Variants in ADAMTS16 observed in about 807,000 individuals in gnomAD.
The protein encoded by ADAMTS16 is A disintegrin and metalloproteinase with thrombospondin motifs 16.
A neutral mutation model predicts 145.8 loss-of-function variants in ADAMTS16; 94 were observed. That is an observed-to-expected ratio of 0.64 (90% CI 0.55 to 0.77). The LOEUF is 0.77. Among genes scored for constraint, ADAMTS16 ranks in the 30% least tolerant of loss-of-function variants. The probability of loss-of-function intolerance (pLI) is 0.00; values close to 1 mark genes in which losing one functional copy is unlikely to be tolerated. For synonymous variants in ADAMTS16, 659 were observed against 604.3 expected (o/e 1.09, Z -1.33); for missense variants, 1,585 against 1,591.5 (o/e 1.00, Z 0.07).
At chr5:5,167,777 T>C (rs1159990710) in intron 3 of ADAMTS16, among the ~76,000 whole-genome samples, 2 of 152,252 alleles carry the variant, frequency 1.3e-5, no homozygotes, top group Non-Finnish European at 2.9e-5. Context: ...GGGATACAAA[T>C]GTCTGTGCTG....
At chr5:5,218,100 C>T (rs1443354597) in intron 10 of ADAMTS16, among the ~76,000 whole-genome samples, 1 of 152,192 alleles carries the variant, frequency 6.6e-6, no homozygotes, top group Non-Finnish European at 1.5e-5. Context: ...TAATGACCTA[C>T]AACAATAGTG....
chr5:5,258,170 G>A (rs1436923516), intron 17 of ADAMTS16, among the ~76,000 whole-genome samples: 1 of 152,116 alleles, frequency 6.6e-6, no homozygotes, highest in Admixed American at 6.5e-5. Flanking sequence ...TGAATCATCC[G>A]CCGTTAGTGA....
rs534655055 is a variant in ADAMTS16, at chr5:5,254,093, CAG to C, written c.2663-8563_2663-8562del. ...TAGCGAATTCACACTGTCTTGGCAA[CAG>C]GGGTCATTTCCCAGTTACCTCAAAG... On this transcript the variant is annotated intron_variant, in intron 17 of 22. Coordinates refer to ENST00000274181, the MANE Select transcript of ADAMTS16 (RefSeq NM_139056.4). 2.1e-3 allele frequency among the ~76,000 whole-genome samples: 313 copies of C among 152,302 alleles called. 1 individual carries two copies. Among genetic ancestry groups the C allele is most frequent in the African/African-American group, 7.3e-3 (304 of 41,568 alleles).
At chr5:5,229,618 G>C (rs1462122291) in intron 11 of ADAMTS16, among the ~76,000 whole-genome samples, 2 of 152,178 alleles carry the variant, frequency 1.3e-5, no homozygotes, top group Non-Finnish European at 2.9e-5. Context: ...GAGTCAGAAA[G>C]CTAGAAGCCT....
intron 3 of ADAMTS16, among the ~76,000 whole-genome samples, chr5:5,175,790 A>C (rs1735176705): frequency 6.6e-6 from 1 of 152,124 alleles, no homozygotes; most frequent in Admixed American, 6.5e-5. Context: ...GTGATAGGGC[A>C]GCACTGAATT....
intron 15 of ADAMTS16, 49 bp downstream of exon 15, chr5:5,239,323 C>A (rs1429247555): frequency 6.7e-7 from 1 of 1,503,744 alleles, no homozygotes; most frequent in Non-Finnish European, 8.9e-7. Context: ...AAGATTGTAA[C>A]TGGGGCTTCT....
rs1246185115 is a variant in ADAMTS16, at chr5:5,269,869, T to C, written c.2789+7086T>C. 6.6e-6 allele frequency among the ~76,000 whole-genome samples: 1 copy of C among 152,152 alleles called. No homozygotes were observed. The highest frequency in any genetic ancestry group is 1.9e-4 in the East Asian group (1 of 5,190). ...TACACACATGCTGTCAAGAGCACTG[T>C]GTGCTGGAAGAAAAGGTGCAGTTCA... is the stretch of plus-strand genomic sequence containing the variant. On this transcript the variant is annotated intron_variant, in intron 18 of 22. Transcript: ENST00000274181. The surrounding 1 kb of genome is among the most constrained non-coding windows in gnomAD (Gnocchi z 4.3).
chr5:5,271,048 T>G (rs1234813821), intron 18 of ADAMTS16, among the ~76,000 whole-genome samples: 1 of 152,186 alleles, frequency 6.6e-6, no homozygotes, highest in Non-Finnish European at 1.5e-5. Flanking sequence ...CCACAAGGAT[T>G]GAGGGGTGGA....
intron 18 of ADAMTS16, among the ~76,000 whole-genome samples, chr5:5,277,225 G>A (rs1345201797): frequency 6.6e-5 from 10 of 152,152 alleles, no homozygotes; most frequent in Non-Finnish European, 1.2e-4. Flanking sequence ...TGCTTCAGCC[G>A]CATCACAGAA....
chr5:5,199,992 T>C lies in ADAMTS16; in HGVS notation c.1314-140T>C, dbSNP rs926800389. On this transcript the variant is annotated intron_variant, in intron 8 of 22. Transcript: ENST00000274181. ...GTGAATATTCTTAACCAATTGGCAGTTGTGACTTTTATTTTTGCCTGCCTA... is the reference window on the plus strand; with the variant it reads ...GTGAATATTCTTAACCAATTGGCAGCTGTGACTTTTATTTTTGCCTGCCTA... 6 of 1,005,600 alleles carry C rather than the reference T, an allele frequency of 6.0e-6. No individual in the cohort carries two copies. The African/African-American group carries it at 8.3e-5, about 14-fold the overall frequency. The allele number at this position is 1,005,600 out of a possible 1,614,324, so 62.3% of individuals were successfully genotyped here.
At chr5:5,189,343 G>T (rs1167275210) in intron 6 of ADAMTS16, among the ~76,000 whole-genome samples, 1 of 152,120 alleles carries the variant, frequency 6.6e-6, no homozygotes, top group Non-Finnish European at 1.5e-5. Context: ...TTACTTCATC[G>T]TTGCGTTATC....
chr5:5,162,724 G>C (rs903220426), intron 3 of ADAMTS16, among the ~76,000 whole-genome samples: 1 of 149,934 alleles, frequency 6.7e-6, no homozygotes, highest in Non-Finnish European at 1.5e-5. Flanking sequence ...ACCAGAGAGA[G>C]AGAGAAAAAG....
chr5:5,190,330 C>A (rs1262384951), intron 7 of ADAMTS16, among the ~76,000 whole-genome samples, 200 bp downstream of exon 7: 1 of 152,138 alleles, frequency 6.6e-6, no homozygotes, highest in Non-Finnish European at 1.5e-5. Flanking sequence ...GATTATTGAA[C>A]AAGTAAATGT....
At chr5:5,199,495 T>C (rs1040140783) in intron 8 of ADAMTS16, among the ~76,000 whole-genome samples, 2 of 152,150 alleles carry the variant, frequency 1.3e-5, no homozygotes, top group Admixed American at 6.5e-5. Flanking sequence ...TCTCTCCAAA[T>C]AGACAGACAG....
At chr5:5,215,580 A>G (rs1736399555) in intron 10 of ADAMTS16, among the ~76,000 whole-genome samples, 2 of 151,734 alleles carry the variant, frequency 1.3e-5, no homozygotes, top group Non-Finnish European at 2.9e-5. Context: ...GTGAGAACAT[A>G]CAATATTTGA....
At position 5,265,108 on chromosome 5, in the gene ADAMTS16, G is replaced by C. The variant is rs867263904; in HGVS notation, c.2789+2325G>C. 2.0e-5 allele frequency among the ~76,000 whole-genome samples: 3 copies of C among 152,214 alleles called. No homozygotes were observed. In the South Asian group the frequency reaches 6.2e-4, roughly 32 times the overall value. ...CGTTTAGGAAATAAACCCCATGGCT[G>C]GCTGAGGCAGAATGTAGCATGGCAC... On this transcript the variant is annotated intron_variant, in intron 18 of 22. Coordinates refer to ENST00000274181, the MANE Select transcript of ADAMTS16 (RefSeq NM_139056.4).
intron 21 of ADAMTS16, among the ~76,000 whole-genome samples, chr5:5,315,123 G>A (rs931281482): frequency 1.2e-4 from 18 of 152,300 alleles, no homozygotes; most frequent in Admixed American, 1.1e-3. Flanking sequence ...AAGCAAACAC[G>A]TCCTTCTTCA....
intron 3 of ADAMTS16, among the ~76,000 whole-genome samples, chr5:5,180,902 A>G (rs1445916507): frequency 6.6e-6 from 1 of 152,230 alleles, no homozygotes; most frequent in African/African-American, 2.4e-5. Flanking sequence ...GGTATTACGT[A>G]GAAAATATGG....
At chr5:5,247,874 A>T (rs548956832) in intron 17 of ADAMTS16, among the ~76,000 whole-genome samples, 2 of 152,322 alleles carry the variant, frequency 1.3e-5, no homozygotes, top group East Asian at 3.9e-4. Context: ...GCTCTAGTAA[A>T]TGTTGGGATA....
Sources: gnomAD v4.1 joint callset for allele counts (sites outside exome capture counted in the v4.1 genomes callset) on GRCh38, gnomAD v4.1.1 for gene constraint, Gnocchi (gnomAD v3.1) non-coding constraint, MANE v1.5 for transcripts, NCBI Gene and HGNC (gene_info 2026-07-23, HGNC 2026-07-21) for gene names.